LRRCC1: variants seen among roughly 807,000 people sequenced by gnomAD.
The protein encoded by LRRCC1 is leucine rich repeat and coiled-coil centrosomal protein 1.
Under a neutral mutation model 126.0 loss-of-function variants are expected in LRRCC1, and 115 were observed. That is an observed-to-expected ratio of 0.91 (90% CI 0.78 to 1.07). LRRCC1 has a LOEUF of 1.07. Among genes scored for constraint, LRRCC1 ranks in the 50% least tolerant of loss-of-function variants. The pLI is 0.00. For synonymous variants in LRRCC1, 400 were observed against 393.4 expected (o/e 1.02, Z -0.20); for missense variants, 1,172 against 1,175.7 (o/e 1.00, Z 0.05).
chr8:85,139,925 A>C (rs1184348511), intron 17 of LRRCC1, among the ~76,000 whole-genome samples: 2 of 152,220 alleles, frequency 1.3e-5, no homozygotes, highest in African/African-American at 4.8e-5. Context: ...TTGATAGCAC[A>C]GTTGTTTTCT....
chr8:85,110,047 G>A, intron 2 of LRRCC1, 68 bp from the exon 3 acceptor site: 1 of 696,968 alleles, frequency 1.4e-6, no homozygotes, highest in South Asian at 1.9e-5. Flanking sequence ...ACATTGTAAT[G>A]CTATATCTCT....
At chr8:85,137,187 A>G (rs999135917) in intron 14 of LRRCC1, among the ~76,000 whole-genome samples, 2 of 152,154 alleles carry the variant, frequency 1.3e-5, no homozygotes, top group Non-Finnish European at 2.9e-5. Context: ...AATTTTTAAT[A>G]TGCTCTTGTT....
chr8:85,141,844 G>A (rs973436625), intron 18 of LRRCC1, among the ~76,000 whole-genome samples: 1 of 152,132 alleles, frequency 6.6e-6, no homozygotes, highest in African/African-American at 2.4e-5. Flanking sequence ...GAATCTGAAG[G>A]TATTAAACAT....
chr8:85,107,634 T>G, intron 1 of LRRCC1: 1 of 404,854 alleles, frequency 2.5e-6, no homozygotes, highest in Non-Finnish European at 4.4e-6. Flanking sequence ...CACACGACTC[T>G]GCTTAGCCTA....
intron 1 of LRRCC1, chr8:85,107,612 T>G: frequency 1.6e-5 from 7 of 432,548 alleles, no homozygotes; most frequent in East Asian, 3.7e-5. Flanking sequence ...CCGTGTCTCC[T>G]GCCCAGCGTT....
rs1315590137 is a variant in LRRCC1, at chr8:85,141,390, T to TG, written c.2851dup (p.Glu951GlyfsTer5). On this transcript the variant is annotated frameshift_variant, in exon 18 of 19. Coordinates refer to ENST00000360375, the MANE Select transcript of LRRCC1 (RefSeq NM_033402.5). LOFTEE classifies it high-confidence loss of function. The stretch of plus-strand genomic sequence containing the variant: ...GTTCTTGTTTTTTTAAGGAATGCAA[T>TG]GGAAAAACTTCATAGTATGGATGAT... 3 of 1,611,430 alleles carry TG rather than the reference T, an allele frequency of 1.9e-6. No individual in the cohort carries two copies. The East Asian group carries it at 6.7e-5, about 36-fold the overall frequency.
chr8:85,113,183 A>G (rs1808858489), intron 4 of LRRCC1, 84 bp downstream of exon 4: 1 of 1,009,242 alleles, frequency 9.9e-7, no homozygotes, highest in African/African-American at 1.7e-5. Flanking sequence ...TCGTGACCTC[A>G]TTTTAGTCTT....
intron 6 of LRRCC1, among the ~76,000 whole-genome samples, chr8:85,116,906 C>G (rs1809168795): frequency 6.6e-6 from 1 of 152,004 alleles, no homozygotes; most frequent in Admixed American, 6.6e-5. Context: ...CAGTTTGAGC[C>G]AATAAGGAGA....
intron 6 of LRRCC1, among the ~76,000 whole-genome samples, chr8:85,121,144 A>G (rs1386728440): frequency 1.3e-5 from 2 of 152,194 alleles, no homozygotes; most frequent in South Asian, 2.1e-4. Context: ...GTGTAAAGGC[A>G]TATCTCATCC....
At position 85,139,573 on chromosome 8, in the gene LRRCC1, G is replaced by A. The variant is rs571452487; in HGVS notation, c.2840+1098G>A. On this transcript the variant is annotated intron_variant, in intron 17 of 18. Coordinates refer to ENST00000360375, the MANE Select transcript of LRRCC1 (RefSeq NM_033402.5). ...GAGCCACCACGCCCGGCCGAGAGCCGATTTTAAAGAGAGGAAATAAAATGT... is the reference window on the plus strand; with the variant it reads ...GAGCCACCACGCCCGGCCGAGAGCCAATTTTAAAGAGAGGAAATAAAATGT... 6.6e-5 allele frequency among the ~76,000 whole-genome samples: 10 copies of A among 152,230 alleles called. No individual in the cohort carries two copies. In the East Asian group the frequency reaches 1.6e-3, roughly 24 times the overall value.
At chr8:85,125,777 A>G (rs1451105981) in intron 8 of LRRCC1, among the ~76,000 whole-genome samples, 1 of 148,482 alleles carries the variant, frequency 6.7e-6, no homozygotes, top group African/African-American at 2.5e-5. Context: ...TCATTATTTT[A>G]TATTTTTCAT....
chr8:85,120,856 T>C (rs569867830), intron 6 of LRRCC1, among the ~76,000 whole-genome samples: 134 of 152,366 alleles, frequency 8.8e-4, no homozygotes, highest in Non-Finnish European at 1.6e-3. Context: ...CTTTTGTCAG[T>C]TGATAGACAT....
chr8:85,119,035 T>C (rs1809322301), intron 6 of LRRCC1, among the ~76,000 whole-genome samples: 1 of 152,172 alleles, frequency 6.6e-6, no homozygotes, highest in African/African-American at 2.4e-5. Flanking sequence ...CTTTTCCATA[T>C]GGATTTTCAG....
In LRRCC1 at chr8:85,138,059, AT is replaced by A; in HGVS notation, c.2519del (p.Ile840ThrfsTer11). On this transcript the variant is annotated frameshift_variant, in exon 16 of 19. Transcript: ENST00000360375. LOFTEE classifies it high-confidence loss of function. ...GTGTTTACAAGAAAAAGATGAACAC[AT>A]CAAAAGATTACAAGAAAAGATCACA... ...KDCLQEKDEH[I>X]KRLQEKITEI... 6.3e-7 allele frequency: 1 copy of A among 1,580,904 alleles called. No individual in the cohort carries two copies. Among genetic ancestry groups the A allele is most frequent in the Non-Finnish European group, 8.6e-7 (1 of 1,163,614 alleles).
intron 7 of LRRCC1, among the ~76,000 whole-genome samples, chr8:85,124,103 A>G (rs1809777665): frequency 6.6e-6 from 1 of 152,134 alleles, no homozygotes; most frequent in East Asian, 1.9e-4. Context: ...GAATAAGATG[A>G]TTGTGTTTAA....
intron 9 of LRRCC1, among the ~76,000 whole-genome samples, chr8:85,127,059 A>G (rs1810068025): frequency 6.6e-6 from 1 of 152,218 alleles, no homozygotes. Context: ...AAGGTGTCAG[A>G]TAAATATTAT....
chr8:85,121,996 G>C (rs1381349125), intron 6 of LRRCC1, among the ~76,000 whole-genome samples: 1 of 152,156 alleles, frequency 6.6e-6, no homozygotes, highest in East Asian at 1.9e-4. Context: ...CGTTACATCT[G>C]TGGATACTAG....
intron 17 of LRRCC1, 86 bp downstream of exon 17, chr8:85,138,561 T>C: frequency 5.4e-6 from 7 of 1,307,594 alleles, no homozygotes; most frequent in Non-Finnish European, 7.3e-6. Flanking sequence ...AGAGGAGGGC[T>C]AAAAATCATG....
chr8:85,114,177 C>T (rs1265592921), intron 4 of LRRCC1, among the ~76,000 whole-genome samples: 1 of 151,778 alleles, frequency 6.6e-6, no homozygotes, highest in East Asian at 1.9e-4. Flanking sequence ...GAAAGAAAAC[C>T]ATATTTCTAA....
Sources: allele counts gnomAD v4.1 joint callset (sites outside exome capture counted in the v4.1 genomes callset), GRCh38; gene constraint gnomAD v4.1.1; transcripts MANE v1.5; gene names NCBI Gene and HGNC (gene_info 2026-07-23, HGNC 2026-07-21).